The following TRPM3 variants were observed in gnomAD, a reference collection of about 807,000 sequenced individuals.
TRPM3 encodes the protein long transient receptor potential channel 3.
Under a neutral mutation model 181.2 loss-of-function variants are expected in TRPM3, and 77 were observed. That is an observed-to-expected ratio of 0.42 (90% confidence interval 0.35 to 0.51). The LOEUF (loss-of-function observed/expected upper bound fraction) is 0.51, where lower values mean the gene tolerates loss of function less well. Among genes scored for constraint, TRPM3 ranks in the 20% least tolerant of loss-of-function variants. The pLI, the probability that TRPM3 is intolerant of heterozygous loss-of-function variation, is 0.01. For missense variants in TRPM3, 1,759 were observed against 2,196.7 expected (o/e 0.80, Z 3.98); for synonymous variants, 745 against 796.4 (o/e 0.94, Z 1.09).
At chr9:70,564,856 C>T (rs973545003) in intron 22 of TRPM3, among the ~76,000 whole-genome samples, 1 of 152,168 alleles carries the variant, frequency 6.6e-6, no homozygotes, top group African/African-American at 2.4e-5. Context: ...CAAATAAGTT[C>T]CTGCTGACAT....
intron 1 of TRPM3, among the ~76,000 whole-genome samples, chr9:71,031,965 ATATATAT>A (rs2057368813): frequency 1.7e-3 from 1 of 588 alleles, no homozygotes; most frequent in Non-Finnish European, 3.4e-3. Flanking sequence ...ATAATTATAT[ATATATAT>A]TATATATATA....
intron 1 of TRPM3, among the ~76,000 whole-genome samples, chr9:71,162,219 A>G (rs75431684): frequency 1.3e-4 from 19 of 143,026 alleles, no homozygotes; most frequent in African/African-American, 5.0e-4. Flanking sequence ...AAAAAAAAAA[A>G]AGAAGAAAAA....
chr9:71,008,524 C>G (rs1469858465), intron 1 of TRPM3, among the ~76,000 whole-genome samples: 1 of 152,050 alleles, frequency 6.6e-6, no homozygotes, highest in Non-Finnish European at 1.5e-5. Flanking sequence ...AAAATACTAG[C>G]AAACTGAATT....
intron 1 of TRPM3, among the ~76,000 whole-genome samples, chr9:71,185,622 G>A (rs1480435632): frequency 2.2e-5 from 3 of 139,004 alleles, no homozygotes; most frequent in East Asian, 2.2e-4. Context: ...GACAGAATTC[G>A]TGTTTATTTA....
At chr9:71,394,177 G>T (rs1211927936) in intron 1 of TRPM3, among the ~76,000 whole-genome samples, 1 of 152,086 alleles carries the variant, frequency 6.6e-6, no homozygotes, top group Admixed American at 6.6e-5. Context: ...GATAAATGAA[G>T]AATACAGTAC....
At chr9:70,851,412 A>G (rs1320857017) in intron 3 of TRPM3, among the ~76,000 whole-genome samples, 1 of 152,232 alleles carries the variant, frequency 6.6e-6, no homozygotes, top group Non-Finnish European at 1.5e-5. Context: ...ATGGAGTTCA[A>G]TTATTCATAC....
At chr9:71,366,822 A>C (rs1238811037) in intron 1 of TRPM3, among the ~76,000 whole-genome samples, 1 of 151,964 alleles carries the variant, frequency 6.6e-6, no homozygotes, top group Non-Finnish European at 1.5e-5. Context: ...TAATAGATAA[A>C]ATTTGGCAGG....
At chr9:70,547,052 C>T (rs1274547042) in intron 25 of TRPM3, among the ~76,000 whole-genome samples, 50 of 152,064 alleles carry the variant, frequency 3.3e-4, no homozygotes, top group Admixed American at 3.3e-3. Flanking sequence ...GTATAAATAA[C>T]TTGTGTTTTA....
intron 1 of TRPM3, among the ~76,000 whole-genome samples, chr9:71,426,160 C>A (rs1014122340): frequency 6.6e-6 from 1 of 152,080 alleles, no homozygotes; most frequent in African/African-American, 2.4e-5. Context: ...GTAAGCCCAG[C>A]GCCTAGGACA....
At chr9:70,553,352 T>C (rs187819525) in intron 22 of TRPM3, 42 bp from the exon 23 acceptor site, 5 of 1,600,210 alleles carry the variant, frequency 3.1e-6, no homozygotes, top group Admixed American at 1.7e-5. Flanking sequence ...AACTGGCTAT[T>C]TGAGTTAGAA....
intron 1 of TRPM3, among the ~76,000 whole-genome samples, chr9:71,263,610 A>T (rs1223266578): frequency 1.3e-5 from 2 of 152,184 alleles, no homozygotes; most frequent in East Asian, 3.9e-4. Flanking sequence ...TATCCTCTAC[A>T]GCACTTACAT....
chr9:71,396,133 C>T (rs530422691), intron 1 of TRPM3, among the ~76,000 whole-genome samples: 3 of 152,274 alleles, frequency 2.0e-5, no homozygotes, highest in South Asian at 4.2e-4. Flanking sequence ...GTGACAAACA[C>T]GTTTGTAAAT....
chr9:71,270,873 A>T (rs1195516591), intron 1 of TRPM3, among the ~76,000 whole-genome samples: 1 of 152,226 alleles, frequency 6.6e-6, no homozygotes, highest in Non-Finnish European at 1.5e-5. Context: ...GAAGACACTC[A>T]TAAGAATCTT....
At chr9:71,146,937 A>G (rs1219546198) in intron 1 of TRPM3, among the ~76,000 whole-genome samples, 1 of 152,190 alleles carries the variant, frequency 6.6e-6, no homozygotes, top group African/African-American at 2.4e-5. Context: ...GCCATTTGCT[A>G]CCTAAAGAAC....
At chr9:70,915,464 A>T (rs1564750830) in intron 1 of TRPM3, among the ~76,000 whole-genome samples, 1 of 141,598 alleles carries the variant, frequency 7.1e-6, no homozygotes, top group Non-Finnish European at 1.5e-5. Flanking sequence ...TGCCCGGCTA[A>T]TTTTTTTTTT....
At chr9:71,137,021 T>G (rs1384411938) in intron 1 of TRPM3, among the ~76,000 whole-genome samples, 4 of 152,178 alleles carry the variant, frequency 2.6e-5, no homozygotes, top group African/African-American at 9.7e-5. Flanking sequence ...CTAGCATCTG[T>G]GTAGAAAATG....
chr9:71,327,865 G>T (rs1311030602), intron 1 of TRPM3, among the ~76,000 whole-genome samples: 1 of 152,010 alleles, frequency 6.6e-6, no homozygotes, highest in Non-Finnish European at 1.5e-5. Flanking sequence ...GATGTAAGAG[G>T]AATAGTTTCC....
chr9:71,204,907 T>C (rs569500699), intron 1 of TRPM3, among the ~76,000 whole-genome samples: 11 of 152,200 alleles, frequency 7.2e-5, no homozygotes, highest in Non-Finnish European at 1.6e-4. Flanking sequence ...GTTCATGTCC[T>C]TTGTAGGGAC....
rs868460787 is a variant in TRPM3 at position 70,536,384 on chromosome 9, T to C, written c.4729A>G (p.Arg1577Gly). Residue 1577 changes from arginine (R) to glycine (G), a missense_variant, in exon 26 of 26, where the codon AGA becomes GGA. Arg to Gly is a moderately radical substitution (Grantham distance 125). This residue lies in a region of TRPM3 where 612 missense variants were observed against 590.0 expected (regional missense o/e 1.04). Coordinates refer to ENST00000677713, the MANE Select transcript of TRPM3 (RefSeq NM_001366145.2). Reference sequence around the variant, plus strand: ...CCAAGACCTCCAGGGAAGGCAGCTCTGTCCGCAATTGCTTGAGGGGCATTG... The same window carrying C: ...CCAAGACCTCCAGGGAAGGCAGCTCCGTCCGCAATTGCTTGAGGGGCATTG... ...CVNAPQAIAD[R>G]AAFPGGLGDK... 4.3e-6 allele frequency: 7 copies of C among 1,614,142 alleles called. 1 individual carries two copies. The highest frequency in any genetic ancestry group is 3.3e-4 in the Middle Eastern group (2 of 6,062).
Sources: gnomAD v4.1 joint callset for allele counts (sites outside exome capture counted in the v4.1 genomes callset) on GRCh38, gnomAD v4.1.1 for gene constraint, gnomAD v4.1.1 regional missense constraint, MANE v1.5 for transcripts, NCBI Gene and HGNC (gene_info 2026-07-23, HGNC 2026-07-21) for gene names.